Variants in NGEF observed in about 807,000 individuals in gnomAD.
NGEF encodes neuronal guanine nucleotide exchange factor, also known as ephexin-1.
Under a neutral mutation model 80.9 loss-of-function variants are expected in NGEF, and 31 were observed. The observed-to-expected ratio is 0.38, with a 90% CI of 0.29 to 0.52. The LOEUF is 0.52. Among genes scored for constraint, NGEF ranks in the 20% least tolerant of loss-of-function variants. The pLI is 0.84. For synonymous variants in NGEF, 371 were observed against 370.2 expected (o/e 1.00, Z -0.03); for missense variants, 709 against 926.2 (o/e 0.77, Z 3.04).
intron 12 of NGEF, among the ~76,000 whole-genome samples, chr2:232,882,603 C>T (rs895433): frequency 6.6e-6 from 1 of 152,256 alleles, no homozygotes; most frequent in Admixed American, 6.5e-5. Flanking sequence ...GCCACCAAAG[C>T]CACAGTTTCT....
intron 1 of NGEF, among the ~76,000 whole-genome samples, chr2:233,001,015 G>A (rs991479211): frequency 4.6e-5 from 7 of 152,168 alleles, no homozygotes; most frequent in Non-Finnish European, 1.0e-4. Flanking sequence ...CTGTTCCCGA[G>A]CCCCTTCCTT....
At chr2:232,933,633 T>A (rs1381839974) in intron 3 of NGEF, among the ~76,000 whole-genome samples, 1 of 152,198 alleles carries the variant, frequency 6.6e-6, no homozygotes, top group African/African-American at 2.4e-5. Context: ...TCACCAGCTG[T>A]CCCATGCATT....
chr2:232,885,204 GC>G, intron 10 of NGEF, 75 bp downstream of exon 10: 1 of 1,343,912 alleles, frequency 7.4e-7, no homozygotes. Context: ...CCAGCCAGGC[GC>G]GGTGATCTGT....
At chr2:232,974,417 C>G (rs571821568) in intron 2 of NGEF, among the ~76,000 whole-genome samples, 2 of 152,318 alleles carry the variant, frequency 1.3e-5, no homozygotes, top group East Asian at 3.9e-4. Flanking sequence ...TAATTTGGGT[C>G]AACCCTTTCT....
At position 232,886,551 on chromosome 2, in the gene NGEF, G is replaced by A. The variant is rs6736310; in HGVS notation, c.1348-1182C>T. 5.5e-3 allele frequency among the ~76,000 whole-genome samples: 831 copies of A among 152,238 alleles called. 5 individuals are homozygous for A. Among genetic ancestry groups the A allele is most frequent in the African/African-American group, 0.019 (804 of 41,520 alleles). ...AAGTTTATTTTCTTTTTACTTACAA[G>A]CATTTTCTGAGTTTCCTGGTATTGA... is the stretch of plus-strand genomic sequence containing the variant. On this transcript the variant is annotated intron_variant, in intron 9 of 14. Coordinates refer to ENST00000264051, the MANE Select transcript of NGEF (RefSeq NM_019850.3).
At chr2:232,896,638 G>GT (rs1243115151) in intron 5 of NGEF, among the ~76,000 whole-genome samples, 2 of 63,070 alleles carry the variant, frequency 3.2e-5, no homozygotes, top group African/African-American at 1.5e-4. Context: ...AGGAGTGGGG[G>GT]TGAGGGTAGG....
At chr2:232,934,919 G>A (rs1693298689) in intron 3 of NGEF, among the ~76,000 whole-genome samples, 2 of 151,530 alleles carry the variant, frequency 1.3e-5, no homozygotes, top group Non-Finnish European at 2.9e-5. Context: ...AAGGAGAGAG[G>A]ATCACTTGAG....
At chr2:232,924,679 C>A (rs962741471) in intron 4 of NGEF, among the ~76,000 whole-genome samples, 2 of 152,228 alleles carry the variant, frequency 1.3e-5, no homozygotes. Context: ...AGCCAGGTGA[C>A]TGTTTGGCTG....
intron 3 of NGEF, among the ~76,000 whole-genome samples, chr2:232,931,445 A>G (rs912976577): frequency 1.3e-5 from 2 of 152,250 alleles, no homozygotes; most frequent in Non-Finnish European, 2.9e-5. Context: ...CCTGACAAAC[A>G]TAGTAAAATT....
chr2:232,981,950 G>A (rs2106328349), intron 1 of NGEF, among the ~76,000 whole-genome samples: 1 of 152,304 alleles, frequency 6.6e-6, no homozygotes, highest in East Asian at 1.9e-4. Context: ...CCTCCTTGGA[G>A]CTCGCAGGGG....
intron 3 of NGEF, among the ~76,000 whole-genome samples, chr2:232,952,365 C>A (rs187562796): frequency 5.3e-5 from 8 of 152,332 alleles, no homozygotes; most frequent in Admixed American, 5.2e-4. Flanking sequence ...CTCCTGGCAA[C>A]CTTGTAGAGT....
chr2:232,899,721 CAT>C lies in NGEF; in HGVS notation c.829-4807_829-4806del, dbSNP rs1221779389. The stretch of plus-strand genomic sequence containing the variant: ...TCACTCACACACGCTCTCAGTCACT[CAT>C]ATACACGTTCACTCACATTCACTTA... On this transcript the variant is annotated intron_variant, in intron 5 of 14. Transcript: ENST00000264051. Among the ~76,000 whole-genome samples, 21 of 151,088 alleles carry C rather than the reference CAT, an allele frequency of 1.4e-4. 1 individual carries two copies. The highest frequency in any genetic ancestry group is 4.4e-4 in the African/African-American group (18 of 41,124).
chr2:232,954,233 A>T (rs1693744023), intron 3 of NGEF, among the ~76,000 whole-genome samples: 1 of 152,118 alleles, frequency 6.6e-6, no homozygotes, highest in African/African-American at 2.4e-5. Context: ...AGGGTGCTTT[A>T]TTCTATTCTC....
At chr2:232,989,686 A>G (rs1401386305) in intron 1 of NGEF, among the ~76,000 whole-genome samples, 1 of 152,288 alleles carries the variant, frequency 6.6e-6, no homozygotes, top group East Asian at 1.9e-4. Context: ...GATGGGGAAA[A>G]GTAAAGCTGT....
At chr2:232,994,584 G>A (rs777798911) in intron 1 of NGEF, among the ~76,000 whole-genome samples, 6 of 152,240 alleles carry the variant, frequency 3.9e-5, no homozygotes, top group African/African-American at 7.2e-5. Flanking sequence ...ATATGACACC[G>A]GGGAAGCTGT....
chr2:232,921,069 T>C (rs1692932322), intron 4 of NGEF, among the ~76,000 whole-genome samples: 1 of 152,232 alleles, frequency 6.6e-6, no homozygotes, highest in African/African-American at 2.4e-5. Flanking sequence ...ATCAATCTTA[T>C]GATTTAAAAA....
At chr2:232,938,313 G>A (rs950615192) in intron 3 of NGEF, among the ~76,000 whole-genome samples, 2 of 152,166 alleles carry the variant, frequency 1.3e-5, no homozygotes, top group South Asian at 4.1e-4. Flanking sequence ...ACAAATTGCA[G>A]CCATATCACC....
chr2:232,977,625 G>A (rs1227568864), intron 1 of NGEF, among the ~76,000 whole-genome samples: 2 of 152,178 alleles, frequency 1.3e-5, no homozygotes, highest in African/African-American at 2.4e-5. Context: ...CAGGGGTCCC[G>A]TGGGGTGGGA....
At chr2:232,980,561 C>T (rs1486044689) in intron 1 of NGEF, among the ~76,000 whole-genome samples, 5 of 151,898 alleles carry the variant, frequency 3.3e-5, no homozygotes, top group Non-Finnish European at 7.4e-5. Flanking sequence ...TGCAGTGGCG[C>T]GATCTCAGCT....
Sources: gnomAD v4.1 joint callset for allele counts (sites outside exome capture counted in the v4.1 genomes callset) on GRCh38, gnomAD v4.1.1 for gene constraint, MANE v1.5 for transcripts, NCBI Gene and HGNC (gene_info 2026-07-23, HGNC 2026-07-21) for gene names.